The following KCNIP4 variants were observed in gnomAD, a reference collection of about 807,000 sequenced individuals.
The protein encoded by KCNIP4 is Kv channel-interacting protein 4.
In KCNIP4, 12 loss-of-function variants were observed where a neutral mutation model predicts 34.0. That is an observed-to-expected ratio of 0.35 (90% CI 0.23 to 0.57). The LOEUF (loss-of-function observed/expected upper bound fraction) is 0.57, where lower values mean the gene tolerates loss of function less well. Ranked by LOEUF, KCNIP4 falls within the 20% of genes least tolerant of loss-of-function variation. KCNIP4 has a pLI of 0.83. For synonymous variants in KCNIP4, 124 were observed against 102.2 expected, an observed-to-expected ratio of 1.21 and a Z score of -1.29; for missense variants, 238 against 311.7, an observed-to-expected ratio of 0.76 and a Z score of 1.78.
chr4:20,918,271 C>G (rs745885267), intron 1 of KCNIP4, among the ~76,000 whole-genome samples: 2 of 152,088 alleles, frequency 1.3e-5, no homozygotes, highest in Non-Finnish European at 2.9e-5. Context: ...CACTGGGAAG[C>G]TGTTCAACAT....
At chr4:21,444,532 T>C (rs1029392290) in intron 1 of KCNIP4, among the ~76,000 whole-genome samples, 4 of 152,304 alleles carry the variant, frequency 2.6e-5, no homozygotes, top group Non-Finnish European at 5.9e-5. Flanking sequence ...AACCACATGA[T>C]TATCTCAATA....
chr4:21,189,884 T>C (rs1755499997), intron 1 of KCNIP4, among the ~76,000 whole-genome samples: 1 of 152,240 alleles, frequency 6.6e-6, no homozygotes, highest in Admixed American at 6.5e-5. Context: ...GCTTTTCTAA[T>C]GAGGATTCAA....
Position 21,757,059 on chromosome 4 carries a change from C to T in KCNIP4, c.61+191512G>A, listed in dbSNP as rs150967466. On this transcript the variant is annotated intron_variant, in intron 1 of 8. Coordinates refer to ENST00000382152, the MANE Select transcript of KCNIP4 (RefSeq NM_025221.6). ...TTGCAGTGAGCTGAGATCCAGCCAG[C>T]CACTGCACTCCAGCCTGAGCAACAG... Among the ~76,000 whole-genome samples, 306 of 148,930 alleles carry T rather than the reference C, an allele frequency of 2.1e-3. 5 individuals carry two copies. The highest frequency in any genetic ancestry group is 7.3e-3 in the African/African-American group (296 of 40,444).
At chr4:21,421,239 A>G (rs1373085355) in intron 1 of KCNIP4, among the ~76,000 whole-genome samples, 1 of 152,176 alleles carries the variant, frequency 6.6e-6, no homozygotes, top group Non-Finnish European at 1.5e-5. Flanking sequence ...TAAAAATAGA[A>G]CTATCACATG....
chr4:20,734,536 A>G, intron 6 of KCNIP4, 92 bp downstream of exon 6: 2 of 632,242 alleles, frequency 3.2e-6, no homozygotes, highest in South Asian at 6.6e-5. Flanking sequence ...TTCCTCAAAA[A>G]AACTTTTCAA....
chr4:20,941,798 A>T (rs566436201), intron 1 of KCNIP4, among the ~76,000 whole-genome samples: 1 of 152,352 alleles, frequency 6.6e-6, no homozygotes, highest in East Asian at 1.9e-4. Flanking sequence ...TTAGTTGTCC[A>T]GTATATAGAG....
At chr4:21,578,256 C>T (rs532780960) in intron 1 of KCNIP4, among the ~76,000 whole-genome samples, 14 of 144,568 alleles carry the variant, frequency 9.7e-5, no homozygotes, top group Non-Finnish European at 1.8e-4. Context: ...TTGCCTGAAC[C>T]CGGGAGGCGG....
chr4:21,509,429 C>A (rs1029316498), intron 1 of KCNIP4, among the ~76,000 whole-genome samples: 1 of 152,198 alleles, frequency 6.6e-6, no homozygotes, highest in Admixed American at 6.5e-5. Flanking sequence ...TATACCATTT[C>A]TACTTAATTC....
At chr4:20,864,322 A>G (rs1179600340) in intron 2 of KCNIP4, among the ~76,000 whole-genome samples, 1 of 151,282 alleles carries the variant, frequency 6.6e-6, no homozygotes, top group African/African-American at 2.4e-5. Flanking sequence ...ACATACGTTT[A>G]TATGCATATG....
At chr4:21,606,697 G>A (rs1023040071) in intron 1 of KCNIP4, among the ~76,000 whole-genome samples, 23 of 152,068 alleles carry the variant, frequency 1.5e-4, no homozygotes, top group Admixed American at 1.4e-3. Context: ...GGGTTCAATC[G>A]ATTCTCCTGC....
At position 21,140,494 on chromosome 4, in the gene KCNIP4, C is replaced by G. The variant is rs146963305; in HGVS notation, c.62-257785G>C. On this transcript the variant is annotated intron_variant, in intron 1 of 8. Transcript: ENST00000382152. Reference sequence around the variant, plus strand: ...AAAGGATTGCACAATGTTAACATAACGCACCTCCTCTGTGCCTCGATTTTA... The same window carrying G: ...AAAGGATTGCACAATGTTAACATAAGGCACCTCCTCTGTGCCTCGATTTTA... 4.2e-4 allele frequency among the ~76,000 whole-genome samples: 64 copies of G among 152,174 alleles called. No homozygotes were observed. The East Asian group carries it at 0.012, about 29-fold the overall frequency.
At chr4:20,734,990 C>T (rs891606443) in intron 5 of KCNIP4, among the ~76,000 whole-genome samples, 1 of 152,152 alleles carries the variant, frequency 6.6e-6, no homozygotes. Flanking sequence ...TGCGTACCCA[C>T]ACAGCTAGAG....
intron 1 of KCNIP4, among the ~76,000 whole-genome samples, chr4:21,895,499 C>T (rs942955099): frequency 6.6e-6 from 1 of 152,110 alleles, no homozygotes; most frequent in African/African-American, 2.4e-5. Flanking sequence ...CCACAGCAAC[C>T]TCTCTATGTC....
intron 3 of KCNIP4, among the ~76,000 whole-genome samples, chr4:20,828,969 A>G (rs1718095481): frequency 6.6e-6 from 1 of 152,028 alleles, no homozygotes; most frequent in Admixed American, 6.6e-5. Flanking sequence ...CTCTTTTGTT[A>G]CTCTCTCTAG....
chr4:21,242,878 ATCTGTGTGTG>A (rs1370718083), intron 1 of KCNIP4, among the ~76,000 whole-genome samples: 9 of 105,188 alleles, frequency 8.6e-5, no homozygotes, highest in African/African-American at 3.0e-4. Flanking sequence ...ATGTGTGTGT[ATCTGTGTGTG>A]TGTGTGTGTG....
intron 1 of KCNIP4, among the ~76,000 whole-genome samples, chr4:21,665,513 C>CG (rs1028354825): frequency 1.3e-3 from 36 of 28,788 alleles, no homozygotes; most frequent in Admixed American, 3.3e-3. Flanking sequence ...CACAGGGCAC[C>CG]CCCCCCCCCT....
At chr4:21,936,474 T>C (rs1404594284) in intron 1 of KCNIP4, among the ~76,000 whole-genome samples, 1 of 152,126 alleles carries the variant, frequency 6.6e-6, no homozygotes, top group Non-Finnish European at 1.5e-5. Flanking sequence ...GACATGTCTT[T>C]ATTAGCAGCG....
intron 1 of KCNIP4, among the ~76,000 whole-genome samples, chr4:21,249,361 G>T (rs1377098063): frequency 6.6e-6 from 1 of 152,078 alleles, no homozygotes; most frequent in African/African-American, 2.4e-5. Flanking sequence ...CATTAGTGAT[G>T]GTGTTGGAAA....
At chr4:21,031,359 T>C (rs116489897) in intron 1 of KCNIP4, among the ~76,000 whole-genome samples, 1,885 of 152,350 alleles carry the variant, frequency 0.012, 40 homozygotes, top group African/African-American at 0.043. Context: ...ATTTTTGTGA[T>C]AAATTAATGT....
Sources: allele counts gnomAD v4.1 joint callset (sites outside exome capture counted in the v4.1 genomes callset), GRCh38; gene constraint gnomAD v4.1.1; transcripts MANE v1.5; gene names NCBI Gene and HGNC (gene_info 2026-07-23, HGNC 2026-07-21).